Variants in LINGO1 observed in about 807,000 individuals in gnomAD.
LINGO1 encodes leucine rich repeat and Ig domain containing 1, also known as leucine-rich repeat and immunoglobulin-like domain-containing nogo receptor-interacting protein 1.
In LINGO1, 11 loss-of-function variants were observed where a neutral mutation model predicts 37.3. The ratio of observed to expected loss-of-function variants is 0.29; its 90% CI spans 0.19 to 0.49. LINGO1 has a LOEUF of 0.49. LINGO1 is among the 20% of genes least tolerant of loss of function. The pLI is 0.99. For synonymous variants in LINGO1, 387 were observed against 403.0 expected (o/e 0.96, Z 0.48); for missense variants, 585 against 878.2 (o/e 0.67, Z 4.22).
intron 2 of LINGO1, among the ~76,000 whole-genome samples, chr15:77,714,460 C>T (rs917769692): frequency 2.7e-4 from 41 of 152,116 alleles, no homozygotes; most frequent in Non-Finnish European, 4.4e-5. Context: ...CAAATGCCCT[C>T]ATTTGGCCCT....
intron 1 of LINGO1, among the ~76,000 whole-genome samples, chr15:77,744,632 C>T (rs1176403448): frequency 6.6e-6 from 1 of 152,244 alleles, no homozygotes; most frequent in Admixed American, 6.5e-5. Flanking sequence ...ATAAACTCAT[C>T]TAATCAACAC....
At chr15:77,655,456 C>A (rs531624063) in intron 3 of LINGO1, among the ~76,000 whole-genome samples, 1 of 152,148 alleles carries the variant, frequency 6.6e-6, no homozygotes, top group Non-Finnish European at 1.5e-5. Flanking sequence ...TGGGTCCTAC[C>A]GCCACACCTC....
At chr15:77,771,137 C>T (rs762595659) in intron 1 of LINGO1, among the ~76,000 whole-genome samples, 60 of 152,160 alleles carry the variant, frequency 3.9e-4, no homozygotes, top group African/African-American at 7.2e-4. Context: ...GAGTTGAACC[C>T]GCAGCTCTTA....
intron 1 of LINGO1, among the ~76,000 whole-genome samples, chr15:77,692,903 A>C (rs1488667671): frequency 6.6e-6 from 1 of 152,238 alleles, no homozygotes; most frequent in Non-Finnish European, 1.5e-5. Context: ...AAAAGGTGAA[A>C]GACTTCACCA....
At chr15:77,731,007 G>A (rs539921312) in intron 2 of LINGO1, among the ~76,000 whole-genome samples, 39 of 152,324 alleles carry the variant, frequency 2.6e-4, no homozygotes, top group Non-Finnish European at 5.4e-4. Context: ...TGTGGCCTTG[G>A]GCAAGTCACT....
intron 2 of LINGO1, among the ~76,000 whole-genome samples, chr15:77,733,036 T>C (rs2076168823): frequency 6.6e-6 from 1 of 152,174 alleles, no homozygotes; most frequent in Non-Finnish European, 1.5e-5. Flanking sequence ...CCTGTGTCTG[T>C]AGATCCCTGA....
intron 1 of LINGO1, among the ~76,000 whole-genome samples, chr15:77,769,688 C>T (rs2076564784): frequency 6.6e-6 from 1 of 152,156 alleles, no homozygotes; most frequent in South Asian, 2.1e-4. Flanking sequence ...GACAGGATCC[C>T]CACTCGACAG....
Position 77,614,874 on chromosome 15 carries a change from T to C in LINGO1, c.1033A>G (p.Asn345Asp). Residue 345 changes from asparagine (N) to aspartate (D), a missense_variant, in exon 2 of 2, where the codon AAC (asparagine) becomes GAC (aspartate). This residue lies in a region of LINGO1 where 484 missense variants were observed against 735.0 expected (regional missense o/e 0.66). Coordinates refer to ENST00000355300, the MANE Select transcript of LINGO1 (RefSeq NM_032808.7). Reference protein sequence around the residue: ...NYLRVLNVSGNQLTTLEESVF... With the variant: ...NYLRVLNVSGDQLTTLEESVF... ...GATTCCTCCAGTGTGGTCAGCTGGTTGCCAGAGACATTGAGCACGCGCAGG... is the reference window on the plus strand; with the variant it reads ...GATTCCTCCAGTGTGGTCAGCTGGTCGCCAGAGACATTGAGCACGCGCAGG... The C allele has an allele frequency of 6.2e-7, 1 of 1,613,850 alleles. No homozygotes were observed. The highest frequency in any genetic ancestry group is 8.5e-7 in the Non-Finnish European group (1 of 1,179,854).
chr15:77,680,703 G>A (rs1215383259), intron 2 of LINGO1, among the ~76,000 whole-genome samples: 1 of 152,140 alleles, frequency 6.6e-6, no homozygotes, highest in Non-Finnish European at 1.5e-5. Context: ...TTAGAGCAAA[G>A]GCTGGGGCAT....
At chr15:77,811,565 T>G (rs1040086530) in intron 1 of LINGO1, among the ~76,000 whole-genome samples, 42 of 140,930 alleles carry the variant, frequency 3.0e-4, no homozygotes, top group East Asian at 5.0e-4. Flanking sequence ...TGGGCAGGGG[T>G]GGGTGGGGTG....
intron 2 of LINGO1, among the ~76,000 whole-genome samples, chr15:77,722,788 T>C (rs2076063290): frequency 6.6e-6 from 1 of 152,140 alleles, no homozygotes; most frequent in Non-Finnish European, 1.5e-5. Flanking sequence ...GGTCATAAGT[T>C]GGTGCTGGTT....
At chr15:77,672,453 G>A (rs187757813) in intron 3 of LINGO1, among the ~76,000 whole-genome samples, 1 of 152,272 alleles carries the variant, frequency 6.6e-6, no homozygotes, top group Non-Finnish European at 1.5e-5. Context: ...GTTGCTTTTG[G>A]AACGGGAAAA....
At chr15:77,795,459 T>C (rs763023491) in intron 2 of LINGO1, among the ~76,000 whole-genome samples, 2 of 152,180 alleles carry the variant, frequency 1.3e-5, no homozygotes, top group Non-Finnish European at 2.9e-5. Flanking sequence ...CTGAGCCTTA[T>C]CCTGCCCTGA....
At chr15:77,699,211 C>T (rs1668218344), upstream of LINGO1, among the ~76,000 whole-genome samples, 1 of 151,864 alleles carries the variant, frequency 6.6e-6, no homozygotes, top group African/African-American at 2.4e-5. Context: ...GCCCCACTCT[C>T]TTCATTAGCA....
At chr15:77,679,145 C>T (rs769125711) in intron 2 of LINGO1, among the ~76,000 whole-genome samples, 19 of 152,318 alleles carry the variant, frequency 1.2e-4, no homozygotes, top group Non-Finnish European at 2.2e-4. Flanking sequence ...AGGTGATCCA[C>T]CCACGTCGGC....
chr15:77,770,552 C>T (rs2076574442), intron 1 of LINGO1, among the ~76,000 whole-genome samples: 2 of 139,246 alleles, frequency 1.4e-5, no homozygotes, highest in African/African-American at 5.5e-5. Context: ...CGTGCCATTG[C>T]ACTCCAGCCT....
intron 2 of LINGO1, among the ~76,000 whole-genome samples, chr15:77,689,337 A>G (rs1226348678): frequency 6.6e-6 from 1 of 152,204 alleles, no homozygotes; most frequent in African/African-American, 2.4e-5. Context: ...CACACTCAGG[A>G]GGTCCGGAAC....
chr15:77,740,796 G>C (rs1240917747), intron 1 of LINGO1, among the ~76,000 whole-genome samples: 1 of 152,196 alleles, frequency 6.6e-6, no homozygotes, highest in Non-Finnish European at 1.5e-5. Flanking sequence ...CCTAAAGACC[G>C]AGGCTGCCCA....
chr15:77,644,676 A>T (rs1013438511), intron 3 of LINGO1, among the ~76,000 whole-genome samples: 98 of 152,186 alleles, frequency 6.4e-4, no homozygotes, highest in African/African-American at 2.3e-3. Context: ...CCACTTCGGA[A>T]GCTGAGGGAC....
Sources: allele counts gnomAD v4.1 joint callset (sites outside exome capture counted in the v4.1 genomes callset), GRCh38; gene constraint gnomAD v4.1.1; regional missense constraint gnomAD v4.1.1; transcripts MANE v1.5; gene names NCBI Gene and HGNC (gene_info 2026-07-23, HGNC 2026-07-21).